The following CCDC7 variants were observed in gnomAD, a reference collection of about 807,000 sequenced individuals.
CCDC7 encodes coiled-coil domain containing 7.
In CCDC7, 183 loss-of-function variants were observed where a neutral mutation model predicts 196.9. That is an observed-to-expected ratio of 0.93 (90% CI 0.82 to 1.05). The LOEUF (loss-of-function observed/expected upper bound fraction) is 1.05. Among genes scored for constraint, CCDC7 ranks in the 50% least tolerant of loss-of-function variants. CCDC7 has a pLI of 0.00. For synonymous variants in CCDC7, 525 were observed against 484.6 expected (o/e 1.08, Z -1.10); for missense variants, 1,540 against 1,482.2 (o/e 1.04, Z -0.64).
intron 9 of CCDC7, among the ~76,000 whole-genome samples, chr10:32,500,882 C>CA (rs986577279): frequency 3.9e-5 from 6 of 152,152 alleles, no homozygotes; most frequent in African/African-American, 7.2e-5. Flanking sequence ...CCGTCTCCAC[C>CA]AAAAAATACG....
chr10:32,586,866 C>G (rs2059333522), intron 18 of CCDC7, among the ~76,000 whole-genome samples: 1 of 151,958 alleles, frequency 6.6e-6, no homozygotes, highest in African/African-American at 2.4e-5. Context: ...ACTTTTAAGA[C>G]AAAATTAAAT....
upstream of CCDC7, among the ~76,000 whole-genome samples, chr10:32,443,734 T>C (rs1268286334): frequency 1.3e-5 from 2 of 152,234 alleles, no homozygotes; most frequent in Non-Finnish European, 1.5e-5. Flanking sequence ...GTATATGTCA[T>C]TTAAATATTT....
intron 9 of CCDC7, among the ~76,000 whole-genome samples, chr10:32,494,925 G>A (rs1305432605): frequency 6.6e-6 from 1 of 152,130 alleles, no homozygotes; most frequent in African/African-American, 2.4e-5. Flanking sequence ...TGGGATTGCT[G>A]GGTCAAATGG....
chr10:32,638,092 C>G (rs1467996965), intron 20 of CCDC7, among the ~76,000 whole-genome samples: 3 of 152,310 alleles, frequency 2.0e-5, no homozygotes, highest in African/African-American at 4.8e-5. Flanking sequence ...TATCCTGAGA[C>G]TTTGCTGAAG....
intron 18 of CCDC7, among the ~76,000 whole-genome samples, chr10:32,619,649 A>T (rs2063162240): frequency 6.6e-6 from 1 of 152,142 alleles, no homozygotes; most frequent in Admixed American, 6.6e-5. Context: ...TAGACAGATA[A>T]ATGAACAAAA....
chr10:32,770,055 C>T (rs187847386), intron 28 of CCDC7, among the ~76,000 whole-genome samples: 1 of 152,206 alleles, frequency 6.6e-6, no homozygotes. Flanking sequence ...GGAGTCACCA[C>T]ACTGTCTTCC....
At chr10:32,698,498 G>A (rs2078100743) in intron 24 of CCDC7, among the ~76,000 whole-genome samples, 1 of 152,178 alleles carries the variant, frequency 6.6e-6, no homozygotes, top group Admixed American at 6.5e-5. Flanking sequence ...ACAGCATAGA[G>A]AAGACCTTAA....
At chr10:32,524,996 AAT>A (rs1426291574) in intron 11 of CCDC7, among the ~76,000 whole-genome samples, 5 of 151,862 alleles carry the variant, frequency 3.3e-5, no homozygotes, top group African/African-American at 1.2e-4. Context: ...GTTCAAGGCC[AAT>A]AACTCTTAAA....
chr10:32,787,649 GCCA>G (rs2082077475), intron 29 of CCDC7, among the ~76,000 whole-genome samples: 1 of 152,148 alleles, frequency 6.6e-6, no homozygotes, highest in Non-Finnish European at 1.5e-5. Flanking sequence ...GGCCCCTACA[GCCA>G]CAAACTCTAG....
chr10:32,716,638 G>T (rs1443968245), intron 25 of CCDC7, among the ~76,000 whole-genome samples: 1 of 152,204 alleles, frequency 6.6e-6, no homozygotes, highest in Non-Finnish European at 1.5e-5. Flanking sequence ...TTGGTGTGCT[G>T]TATTCAGGAG....
chr10:32,480,403 A>G (rs1045350662), intron 8 of CCDC7, among the ~76,000 whole-genome samples: 2 of 151,960 alleles, frequency 1.3e-5, no homozygotes, highest in Non-Finnish European at 2.9e-5. Flanking sequence ...GCTCACTCCA[A>G]CCTCAAACTC....
At chr10:32,477,097 G>A (rs2039114268) in intron 8 of CCDC7, among the ~76,000 whole-genome samples, 1 of 151,682 alleles carries the variant, frequency 6.6e-6, no homozygotes, top group Non-Finnish European at 1.5e-5. Context: ...TGCTTTAGGT[G>A]TTGTGTGTAA....
intron 33 of CCDC7, among the ~76,000 whole-genome samples, chr10:32,843,061 C>G (rs2093070229): frequency 6.6e-6 from 1 of 151,704 alleles, no homozygotes; most frequent in South Asian, 2.1e-4. Flanking sequence ...AAACCAAACA[C>G]CACCTGTTCC....
rs754454599 is a variant in CCDC7 at position 32,635,166 on chromosome 10, G to T, written c.2014+8G>T. On this transcript the variant is annotated splice_region_variant and intron_variant, in intron 20 of 41. Transcript: ENST00000639629. ...GAAATGAGAGTTTTCATTGTAAGTA[G>T]TAAGTTTAAAATGTTATAAAATTAT... is the stretch of plus-strand genomic sequence containing the variant. 5.0e-6 allele frequency: 2 copies of T among 398,400 alleles called. No individual in the cohort carries two copies. Among genetic ancestry groups the T allele is most frequent in the Non-Finnish European group, 4.4e-6 (1 of 225,754 alleles). 24.7% of individuals were successfully genotyped at this position (398,400 alleles called of 1,614,324 possible). A position where few individuals can be genotyped will look rare whatever the true frequency, so the allele number is the denominator to read the frequency against.
intron 30 of CCDC7, among the ~76,000 whole-genome samples, chr10:32,808,829 A>G (rs1185795394): frequency 6.6e-6 from 1 of 152,160 alleles, no homozygotes; most frequent in Non-Finnish European, 1.5e-5. Context: ...AGCTGAAAAA[A>G]AAAATTATAC....
intron 9 of CCDC7, among the ~76,000 whole-genome samples, chr10:32,501,875 G>A (rs1244739481): frequency 6.6e-6 from 1 of 152,152 alleles, no homozygotes; most frequent in African/African-American, 2.4e-5. Flanking sequence ...CACTTTGCTG[G>A]GAGAACTGCT....
chr10:32,803,381 C>T (rs1592920168), intron 29 of CCDC7, among the ~76,000 whole-genome samples: 1 of 152,144 alleles, frequency 6.6e-6, no homozygotes, highest in Admixed American at 6.5e-5. Flanking sequence ...CTCTTTCTCT[C>T]CTTAGCTCTA....
intron 8 of CCDC7, among the ~76,000 whole-genome samples, chr10:32,479,285 T>C (rs2039550702): frequency 6.6e-6 from 1 of 152,172 alleles, no homozygotes; most frequent in Admixed American, 6.5e-5. Context: ...ATGGGCATCT[T>C]TATCTTGTTC....
chr10:32,494,849 T>C (rs2042669892), intron 9 of CCDC7, among the ~76,000 whole-genome samples: 1 of 152,174 alleles, frequency 6.6e-6, no homozygotes, highest in Non-Finnish European at 1.5e-5. Flanking sequence ...AGTGCTGCAA[T>C]AACATATGTG....
Sources: allele counts gnomAD v4.1 joint callset (sites outside exome capture counted in the v4.1 genomes callset), GRCh38; gene constraint gnomAD v4.1.1; transcripts MANE v1.5; gene names NCBI Gene and HGNC (gene_info 2026-07-23, HGNC 2026-07-21).